The following HERC2 variants were observed in gnomAD, a reference collection of about 807,000 sequenced individuals.
HERC2 encodes E3 ubiquitin-protein ligase HERC2.
In HERC2, 102 loss-of-function variants were observed where a neutral mutation model predicts 537.7. The observed-to-expected ratio is 0.19, with a 90% CI of 0.16 to 0.22. The LOEUF is 0.22. Among genes scored for constraint, HERC2 ranks in the 10% least tolerant of loss-of-function variants. HERC2 has a pLI of 1.00. For missense variants in HERC2, 4,236 were observed against 6,198.2 expected (o/e 0.68, Z 10.63); for synonymous variants, 2,224 against 2,466.2 (o/e 0.90, Z 2.91).
chr15:28,163,214 A>C lies in HERC2; in HGVS notation c.10626T>G (p.Ile3542Met), dbSNP rs1255729089. The C allele has an allele frequency of 3.7e-6, 6 of 1,613,950 alleles. No individual in the cohort carries two copies. Among genetic ancestry groups the C allele is most frequent in the South Asian group, 1.1e-5 (1 of 91,082 alleles). ...QALDEFTSLLIADDTRVVVDL... is the reference protein window; with the variant it reads ...QALDEFTSLLMADDTRVVVDL... ...CTACCACCACACGAGTGTCATCCGC[A>C]ATCAGCAGACTGGTGAACTCATCCA... Residue 3542 changes from isoleucine to methionine, a missense_variant, in exon 69 of 93, where the codon ATT (isoleucine) becomes ATG (methionine). Physicochemically the swap from Ile to Met is conservative, Grantham distance 10. Around this residue, in one of 27 missense-constraint regions of HERC2, gnomAD observed 356 missense variants for 450.9 expected, o/e 0.79. Coordinates refer to ENST00000261609, the MANE Select transcript of HERC2 (RefSeq NM_004667.6).
At chr15:28,210,373 TCCG>T (rs1437474170) in intron 44 of HERC2, among the ~76,000 whole-genome samples, 5 of 152,122 alleles carry the variant, frequency 3.3e-5, no homozygotes, top group South Asian at 2.1e-4. Context: ...GACCTCGTGA[TCCG>T]CCGCCCGCCT....
intron 86 of HERC2, chr15:28,117,632 A>C (rs1005268463): frequency 2.3e-6 from 1 of 433,712 alleles, no homozygotes; most frequent in African/African-American, 2.0e-5. Context: ...AATGCCCCTG[A>C]GACTGAAGCA....
rs1896822963 is a variant in HERC2, at chr15:28,191,163, T to C, written c.8533A>G (p.Met2845Val). The C allele has an allele frequency of 2.5e-6, 4 of 1,613,582 alleles. No individual in the cohort carries two copies. The highest frequency in any genetic ancestry group is 4.5e-5 in the East Asian group (2 of 44,868). The change falls in exon 54 of 93, where the codon ATG becomes GTG. Residue 2845 changes from methionine to valine, a missense_variant. Coordinates refer to ENST00000261609, the MANE Select transcript of HERC2 (RefSeq NM_004667.6). ...MIVDPADSSY[M>V]PSLVVVSGGN... ...CCTGACACTACAACCAGGGACGGCATGTAGCTACTGTCAGCAGGATCTACG... is the reference window on the plus strand; with the variant it reads ...CCTGACACTACAACCAGGGACGGCACGTAGCTACTGTCAGCAGGATCTACG...
chr15:28,135,272 T>C (rs965507480), intron 79 of HERC2, among the ~76,000 whole-genome samples: 8 of 152,216 alleles, frequency 5.3e-5, no homozygotes, highest in African/African-American at 1.7e-4. Flanking sequence ...ATTGACTTTT[T>C]TTTCCCTCTC....
At position 28,198,702 on chromosome 15, in the gene HERC2, A is replaced by T. The variant is rs1897595184; in HGVS notation, c.7784T>A (p.Ile2595Asn). 2 of 1,614,058 alleles carry T rather than the reference A, an allele frequency of 1.2e-6. No individual in the cohort carries two copies. Among genetic ancestry groups the T allele is most frequent in the Non-Finnish European group, 1.7e-6 (2 of 1,180,030 alleles). ...EVCEGDVGKV[I>N]KLDRDGLHDL... ...ATGCAATCCATCTCTGTCCAGCTTG[A>T]TGACTTTGCCAACATCACCTTCGCA... The change falls in exon 49 of 93, where the codon ATC becomes AAC. Residue 2595 changes from isoleucine (I) to asparagine (N), a missense_variant. Physicochemically the swap from Ile to Asn is moderately radical, Grantham distance 149 (BLOSUM62 -3). Around this residue, in one of 27 missense-constraint regions of HERC2, gnomAD observed 606 missense variants for 884.5 expected, o/e 0.69. Coordinates refer to ENST00000261609, the MANE Select transcript of HERC2 (RefSeq NM_004667.6).
chr15:28,288,559 AG>A (rs1433567657), intron 4 of HERC2, among the ~76,000 whole-genome samples: 1 of 146,168 alleles, frequency 6.8e-6, no homozygotes, highest in Non-Finnish European at 1.5e-5. Context: ...AAAAGAGGCC[AG>A]GTGTGGTGGC....
At chr15:28,201,041 T>C (rs1011255215) in intron 48 of HERC2, among the ~76,000 whole-genome samples, 7 of 148,138 alleles carry the variant, frequency 4.7e-5, no homozygotes, top group Non-Finnish European at 8.9e-5. Flanking sequence ...CCCTGCGCCA[T>C]GTCCACCGTG....
intron 44 of HERC2, among the ~76,000 whole-genome samples, chr15:28,210,054 C>A (rs967586450): frequency 6.6e-6 from 1 of 151,278 alleles, no homozygotes; most frequent in Non-Finnish European, 1.5e-5. Flanking sequence ...CCTCCGCCCC[C>A]CGGTTCAAGT....
At position 28,265,499 on chromosome 15, in the gene HERC2, C is replaced by T. The variant is rs894873144; in HGVS notation, c.1870+119G>A. ...TTCCCCAATGCCACTGAGCCCCACACCCACTGGGCGACAGGGTGGGTGGCC... is the reference window on the plus strand; with the variant it reads ...TTCCCCAATGCCACTGAGCCCCACATCCACTGGGCGACAGGGTGGGTGGCC... On this transcript the variant is annotated intron_variant, in intron 14 of 92. Transcript: ENST00000261609. The surrounding 1 kb of genome is among the most constrained non-coding windows in gnomAD (Gnocchi z 4.0). The T allele has an allele frequency of 1.3e-5, 10 of 771,532 alleles. No individual in the cohort carries two copies. Among genetic ancestry groups the T allele is most frequent in the East Asian group, 8.0e-5 (3 of 37,620 alleles). 47.8% of individuals were successfully genotyped at this position (771,532 alleles called of 1,614,324 possible).
At chr15:28,136,322 C>CT (rs1890630654) in intron 78 of HERC2, among the ~76,000 whole-genome samples, 1 of 69,382 alleles carries the variant, frequency 1.4e-5, no homozygotes, top group Non-Finnish European at 4.4e-5. Flanking sequence ...CGTGCTGCTG[C>CT]ACTGACATAA....
rs1023104511 is a variant in HERC2 at position 28,122,474 on chromosome 15, G to A, written c.13189-1045C>T. Among the ~76,000 whole-genome samples the A allele has an allele frequency of 5.3e-5, 8 of 152,248 alleles. No individual in the cohort carries two copies. Among genetic ancestry groups the A allele is most frequent in the South Asian group, 4.1e-4 (2 of 4,830 alleles). ...AAGGCAGGAGGTGAGGGCCCCAAGC[G>A]CCAGAGGAGACCCAGAAAGGGTATC... On this transcript the variant is annotated intron_variant, in intron 85 of 92. Coordinates refer to ENST00000261609, the MANE Select transcript of HERC2 (RefSeq NM_004667.6). This position sits in a 1 kb window ranked among gnomAD's most constrained non-coding sequence, Gnocchi z 4.1.
At chr15:28,245,626 T>C (rs980469161) in intron 23 of HERC2, among the ~76,000 whole-genome samples, 2 of 149,072 alleles carry the variant, frequency 1.3e-5, no homozygotes, top group African/African-American at 2.5e-5. Flanking sequence ...TACACACACA[T>C]ATATGTACAC....
At chr15:28,295,560 A>G (rs12050490) in intron 3 of HERC2, among the ~76,000 whole-genome samples, 22,640 of 151,954 alleles carry the variant, frequency 0.15, 2,840 homozygotes, top group East Asian at 0.41. Context: ...CACCATGCCC[A>G]GCTAATTTTT....
At chr15:28,261,131 G>A (rs1370807057) in intron 15 of HERC2, among the ~76,000 whole-genome samples, 161 bp from the exon 16 acceptor site, 1 of 152,106 alleles carries the variant, frequency 6.6e-6, no homozygotes, top group Non-Finnish European at 1.5e-5. Context: ...CTTTGGGTGT[G>A]TTATTAAAAC....
intron 70 of HERC2, among the ~76,000 whole-genome samples, chr15:28,149,885 T>C (rs1305249523): frequency 7.8e-6 from 1 of 127,862 alleles, no homozygotes; most frequent in South Asian, 2.6e-4. Flanking sequence ...AAAAAACACA[T>C]GCGACTTCTA....
chr15:28,177,579 C>T lies in HERC2; in HGVS notation c.9164-70G>A, dbSNP rs957333704. ...GAAAGCCCACAGCATAGCTAGCTCC[C>T]TATTTTGCCTGGCATATAGCACACA... On this transcript the variant is annotated intron_variant, in intron 59 of 92. Coordinates refer to ENST00000261609, the MANE Select transcript of HERC2 (RefSeq NM_004667.6). The surrounding 1 kb of genome is among the most constrained non-coding windows in gnomAD (Gnocchi z 5.0). The T allele has an allele frequency of 7.1e-7, 1 of 1,411,150 alleles. No homozygotes were observed. The highest frequency in any genetic ancestry group is 1.0e-6 in the Non-Finnish European group (1 of 996,756). 87.4% of individuals were successfully genotyped at this position (1,411,150 alleles called of 1,614,324 possible). A position where few individuals can be genotyped will look rare whatever the true frequency, so the allele number is the denominator to read the frequency against.
chr15:28,151,594 G>A (rs966326266), intron 70 of HERC2, among the ~76,000 whole-genome samples: 5 of 152,044 alleles, frequency 3.3e-5, no homozygotes, highest in African/African-American at 7.2e-5. Context: ...ACAAAAAACC[G>A]AGGACACCTT....
At chr15:28,128,529 G>A (rs1484046881) in intron 83 of HERC2, among the ~76,000 whole-genome samples, 3 of 152,226 alleles carry the variant, frequency 2.0e-5, no homozygotes, top group Non-Finnish European at 4.4e-5. Flanking sequence ...ACAGGCCACA[G>A]AAGTTGCTCA....
At chr15:28,194,534 T>C (rs2140290605) in intron 52 of HERC2, among the ~76,000 whole-genome samples, 1 of 151,382 alleles carries the variant, frequency 6.6e-6, no homozygotes, top group South Asian at 2.1e-4. Context: ...CACGCGCCAC[T>C]GCACTCCAGC....
Sources: allele counts gnomAD v4.1 joint callset (sites outside exome capture counted in the v4.1 genomes callset), GRCh38; gene constraint gnomAD v4.1.1; regional missense constraint gnomAD v4.1.1; non-coding constraint Gnocchi (gnomAD v3.1); transcripts MANE v1.5; gene names NCBI Gene and HGNC (gene_info 2026-07-23, HGNC 2026-07-21).